Variants in PLXNA2 observed in about 807,000 individuals in gnomAD.
PLXNA2 encodes the protein plexin-A2.
Under a neutral mutation model 193.5 loss-of-function variants are expected in PLXNA2, and 91 were observed. That is an observed-to-expected ratio of 0.47 (90% CI 0.40 to 0.56). The LOEUF (loss-of-function observed/expected upper bound fraction) is 0.56. Among genes scored for constraint, PLXNA2 ranks in the 20% least tolerant of loss-of-function variants. The probability of loss-of-function intolerance (pLI) is 0.00; values close to 1 mark genes in which losing one functional copy is unlikely to be tolerated. For synonymous variants in PLXNA2, 997 were observed against 1,027.3 expected (o/e 0.97, Z 0.56); for missense variants, 1,995 against 2,503.2 (o/e 0.80, Z 4.33).
intron 1 of PLXNA2, among the ~76,000 whole-genome samples, chr1:208,223,001 T>C (rs1671389684): frequency 6.6e-6 from 1 of 151,886 alleles, no homozygotes; most frequent in Non-Finnish European, 1.5e-5. Flanking sequence ...CTGCACCTAC[T>C]AGGGAGCTCA....
chr1:208,192,600 A>G (rs1164304286), intron 3 of PLXNA2, among the ~76,000 whole-genome samples: 3 of 152,140 alleles, frequency 2.0e-5, no homozygotes, highest in Non-Finnish European at 4.4e-5. Context: ...AAAAACCATT[A>G]GACAGGCCAG....
At chr1:208,089,196 T>C (rs1055527978) in intron 9 of PLXNA2, among the ~76,000 whole-genome samples, 1 of 152,234 alleles carries the variant, frequency 6.6e-6, no homozygotes, top group Non-Finnish European at 1.5e-5. Context: ...TATCTGGAAA[T>C]GGCACCACTG....
chr1:208,208,011 G>A (rs980949966), intron 3 of PLXNA2, among the ~76,000 whole-genome samples: 3 of 152,266 alleles, frequency 2.0e-5, no homozygotes, highest in Non-Finnish European at 4.4e-5. Flanking sequence ...TGTCCGTCAG[G>A]GTTTCAATAA....
chr1:208,105,887 C>T (rs1172804114), intron 4 of PLXNA2, among the ~76,000 whole-genome samples: 1 of 152,174 alleles, frequency 6.6e-6, no homozygotes, highest in African/African-American at 2.4e-5. Context: ...GCATTCGGCC[C>T]GTCTGTCAAA....
At chr1:208,049,626 T>C (rs1267243658) in intron 17 of PLXNA2, among the ~76,000 whole-genome samples, 2 of 152,214 alleles carry the variant, frequency 1.3e-5, no homozygotes, top group South Asian at 2.1e-4. Context: ...GTCTGGATGT[T>C]TGGGATCCAC....
At position 208,166,360 on chromosome 1, in the gene PLXNA2, C is replaced by T. The variant is rs1571988443; in HGVS notation, c.1372-23897G>A. ...TTGCTGGAACCCTCAGCAGGCTCAG[C>T]CCACTGAGCTGGCAGCAGGGATCCC... On this transcript the variant is annotated intron_variant, in intron 3 of 31. Coordinates refer to ENST00000367033, the MANE Select transcript of PLXNA2 (RefSeq NM_025179.4). 2.0e-5 allele frequency among the ~76,000 whole-genome samples: 3 copies of T among 152,326 alleles called. No homozygotes were observed. The Middle Eastern group carries it at 0.01, about 518-fold the overall frequency.
At chr1:208,035,144 G>A (rs12032800) in intron 26 of PLXNA2, among the ~76,000 whole-genome samples, 17 of 151,610 alleles carry the variant, frequency 1.1e-4, no homozygotes, top group South Asian at 2.1e-4. Flanking sequence ...TCCACTTGGC[G>A]AGCTATGCAC....
At chr1:208,089,677 G>A (rs577996901) in intron 9 of PLXNA2, among the ~76,000 whole-genome samples, 119 of 152,244 alleles carry the variant, frequency 7.8e-4, no homozygotes, top group African/African-American at 2.8e-3. Flanking sequence ...ATATATTAAT[G>A]TTGCTATATT....
At chr1:208,189,044 T>C (rs527656706) in intron 3 of PLXNA2, among the ~76,000 whole-genome samples, 2 of 152,142 alleles carry the variant, frequency 1.3e-5, no homozygotes, top group Non-Finnish European at 2.9e-5. Flanking sequence ...TCTCTAACCA[T>C]TCCAAAACAT....
chr1:208,206,312 C>T (rs1670720422), intron 3 of PLXNA2, among the ~76,000 whole-genome samples: 1 of 152,214 alleles, frequency 6.6e-6, no homozygotes, highest in Non-Finnish European at 1.5e-5. Flanking sequence ...AGCTGTTCTT[C>T]TATTATCATG....
At chr1:208,088,342 C>A (rs927515314) in intron 9 of PLXNA2, among the ~76,000 whole-genome samples, 1 of 152,222 alleles carries the variant, frequency 6.6e-6, no homozygotes, top group Non-Finnish European at 1.5e-5. Context: ...TCTGAAGCGA[C>A]TTCTCCCATG....
At chr1:208,058,810 T>G (rs1665524424) in intron 13 of PLXNA2, among the ~76,000 whole-genome samples, 1 of 152,188 alleles carries the variant, frequency 6.6e-6, no homozygotes, top group South Asian at 2.1e-4. Context: ...ACATTTCCTT[T>G]CATAAATAGC....
At chr1:208,207,355 A>G (rs1165649594) in intron 3 of PLXNA2, among the ~76,000 whole-genome samples, 1 of 152,198 alleles carries the variant, frequency 6.6e-6, no homozygotes, top group Admixed American at 6.5e-5. Flanking sequence ...TTCCTTCCAC[A>G]TGTTTGCAGC....
chr1:208,198,577 A>G (rs1383192099), intron 3 of PLXNA2, among the ~76,000 whole-genome samples: 1 of 152,188 alleles, frequency 6.6e-6, no homozygotes, highest in Non-Finnish European at 1.5e-5. Context: ...AGGGATGGGA[A>G]GGTGGAGGAG....
chr1:208,205,006 G>A (rs1670672090), intron 3 of PLXNA2, among the ~76,000 whole-genome samples: 1 of 152,202 alleles, frequency 6.6e-6, no homozygotes, highest in Admixed American at 6.5e-5. Flanking sequence ...TCTGTGAGGA[G>A]CCCTGCAGGG....
At chr1:208,123,004 G>A (rs1318225741) in intron 4 of PLXNA2, among the ~76,000 whole-genome samples, 1 of 152,104 alleles carries the variant, frequency 6.6e-6, no homozygotes, top group East Asian at 1.9e-4. Flanking sequence ...ACAACCATTA[G>A]CACAATCCAT....
At position 208,111,432 on chromosome 1, in the gene PLXNA2, G is replaced by A. The variant is rs114667237; in HGVS notation, c.1507-8185C>T. On this transcript the variant is annotated intron_variant, in intron 4 of 31. Transcript: ENST00000367033. ...GGAAGAGGCTGTGAGCAGGCTCCAC[G>A]TTTTCCATCTGAGCTTCCTACAAAA... Among the ~76,000 whole-genome samples the A allele has an allele frequency of 9.6e-3, 1,461 of 152,200 alleles. 8 individuals carry two copies. The highest frequency in any genetic ancestry group is 0.015 in the Non-Finnish European group (1,038 of 68,000).
chr1:208,193,581 A>C (rs1328140231), intron 3 of PLXNA2, among the ~76,000 whole-genome samples: 3 of 152,258 alleles, frequency 2.0e-5, no homozygotes, highest in Non-Finnish European at 2.9e-5. Context: ...AACTGAAACC[A>C]ATGAATAAGT....
chr1:208,090,014 C>T (rs997170574), intron 9 of PLXNA2, among the ~76,000 whole-genome samples: 1 of 152,190 alleles, frequency 6.6e-6, no homozygotes. Flanking sequence ...GGCCTGGCTG[C>T]TGTTTGCTGA....
Sources: gnomAD v4.1 joint callset for allele counts (sites outside exome capture counted in the v4.1 genomes callset) on GRCh38, gnomAD v4.1.1 for gene constraint, MANE v1.5 for transcripts, NCBI Gene and HGNC (gene_info 2026-07-23, HGNC 2026-07-21) for gene names.